Variants in AKAP10 observed in about 807,000 individuals in gnomAD.
AKAP10 encodes A-kinase anchoring protein 10.
AKAP10 carries 24 observed loss-of-function variants against 80.8 expected under a neutral mutation model. The observed-to-expected ratio is 0.30, with a 90% CI of 0.22 to 0.42. The LOEUF (loss-of-function observed/expected upper bound fraction) is 0.42, where lower values mean the gene tolerates loss of function less well. Among genes scored for constraint, AKAP10 ranks in the 10% least tolerant of loss-of-function variants. The pLI is 1.00. For synonymous variants in AKAP10, 291 were observed against 277.7 expected, an observed-to-expected ratio of 1.05 and a Z score of -0.48; for missense variants, 661 against 794.9, an observed-to-expected ratio of 0.83 and a Z score of 2.03.
chr17:19,917,190 G>A (rs2042754040), intron 12 of AKAP10, among the ~76,000 whole-genome samples: 1 of 151,810 alleles, frequency 6.6e-6, no homozygotes, highest in African/African-American at 2.4e-5. Context: ...GTGTGAACCT[G>A]GGAGGCAGAG....
intron 13 of AKAP10, 30 bp from the exon 14 acceptor site, chr17:19,909,306 T>C (rs192102242): frequency 1.2e-4 from 187 of 1,580,256 alleles, no homozygotes; most frequent in Non-Finnish European, 2.3e-5. Flanking sequence ...CTGGTGATAA[T>C]GGTTATTCAT....
At chr17:19,928,604 T>A (rs1028132285) in intron 10 of AKAP10, among the ~76,000 whole-genome samples, 3 of 151,976 alleles carry the variant, frequency 2.0e-5, no homozygotes, top group Non-Finnish European at 4.4e-5. Flanking sequence ...CAGCCGGGCA[T>A]AGTGGCTCAC....
At chr17:19,968,583 C>T (rs1469090994) in intron 1 of AKAP10, 122 bp from the exon 2 acceptor site, 6 of 786,710 alleles carry the variant, frequency 7.6e-6, no homozygotes, top group Non-Finnish European at 1.0e-5. Context: ...CAATGGACAG[C>T]CTTGGAGGAG....
intron 4 of AKAP10, among the ~76,000 whole-genome samples, chr17:19,950,155 A>C (rs1019486162): frequency 6.6e-6 from 1 of 152,208 alleles, no homozygotes; most frequent in Non-Finnish European, 1.5e-5. Flanking sequence ...ATACAAAAAA[A>C]TTAGCTGGGT....
intron 5 of AKAP10, among the ~76,000 whole-genome samples, chr17:19,946,205 T>TTATATA (rs1555576558): frequency 6.5e-5 from 3 of 46,076 alleles, no homozygotes; most frequent in African/African-American, 2.5e-4. Context: ...TACATATATT[T>TTATATA]TATATATATA....
At chr17:19,976,287 G>T (rs558463306) in intron 1 of AKAP10, among the ~76,000 whole-genome samples, 5 of 152,188 alleles carry the variant, frequency 3.3e-5, no homozygotes, top group African/African-American at 1.2e-4. Context: ...AGGGGTTCAA[G>T]ACCAGCCTAA....
chr17:19,956,865 G>A (rs1295767313), intron 4 of AKAP10, among the ~76,000 whole-genome samples: 1 of 152,054 alleles, frequency 6.6e-6, no homozygotes, highest in Non-Finnish European at 1.5e-5. Context: ...TTAGCCAGGA[G>A]TGGTGGCGGG....
Position 19,939,766 on chromosome 17 carries a change from C to G in AKAP10, c.1269G>C (p.Lys423Asn). 6.2e-7 allele frequency: 1 copy of G among 1,613,972 alleles called. No homozygotes were observed. Among genetic ancestry groups the G allele is most frequent in the South Asian group, 1.1e-5 (1 of 91,070 alleles). ...DNFQSQLAAK[K>N]GQYDGQEAQN... Reference sequence around the variant, plus strand: ...GTGCCTCCTGTCCATCATATTGGCCCTTTTTGGCAGCAAGCTGAGACTGGA... The same window carrying G: ...GTGCCTCCTGTCCATCATATTGGCCGTTTTTGGCAGCAAGCTGAGACTGGA... Residue 423 changes from lysine (K) to asparagine (N), a missense_variant, in exon 8 of 15, where the codon AAG (lysine) becomes AAC (asparagine). Transcript: ENST00000225737.
At position 19,958,199 on chromosome 17, in the gene AKAP10, C is replaced by T. The variant is rs1450051704; in HGVS notation, c.692G>A (p.Ser231Asn). Residue 231 changes from serine (S) to asparagine (N), a missense_variant, in exon 4 of 15, where the codon AGC (serine) becomes AAC (asparagine). Physicochemically the swap from Ser to Asn is conservative, Grantham distance 46. Transcript: ENST00000225737. ...EGIDLNNRTN[S>N]TQNHLLLSQE... is the part of the protein sequence containing the mutation. ...GGAAAGCAGCAAGTGATTCTGAGTG[C>T]TGTTAGTTCTATTATTCAGGTCAAT... 1.9e-6 allele frequency: 3 copies of T among 1,614,032 alleles called. No homozygotes were observed. Among genetic ancestry groups the T allele is most frequent in the East Asian group, 2.2e-5 (1 of 44,896 alleles).
At chr17:19,927,085 C>T (rs1478081850) in intron 10 of AKAP10, among the ~76,000 whole-genome samples, 2 of 152,150 alleles carry the variant, frequency 1.3e-5, no homozygotes, top group Non-Finnish European at 2.9e-5. Context: ...ACCTGTAATC[C>T]CAGCACTCTG....
At chr17:19,954,931 A>G (rs1287127558) in intron 4 of AKAP10, among the ~76,000 whole-genome samples, 2 of 152,096 alleles carry the variant, frequency 1.3e-5, no homozygotes, top group Non-Finnish European at 2.9e-5. Flanking sequence ...TAAAAAAAAA[A>G]AGTCCTGATT....
At chr17:19,952,055 C>T (rs913055440) in intron 4 of AKAP10, among the ~76,000 whole-genome samples, 1 of 150,936 alleles carries the variant, frequency 6.6e-6, no homozygotes, top group African/African-American at 2.4e-5. Flanking sequence ...TATATTTACA[C>T]ATTATAAATA....
At chr17:19,947,082 T>C (rs1474822280) in intron 5 of AKAP10, 2 of 266,936 alleles carry the variant, frequency 7.5e-6, no homozygotes, top group African/African-American at 4.6e-5. Flanking sequence ...CTTCGTGCAC[T>C]GGTGCGGGGC....
chr17:19,945,103 T>C (rs1290358692), intron 5 of AKAP10, among the ~76,000 whole-genome samples: 1 of 152,206 alleles, frequency 6.6e-6, no homozygotes, highest in Non-Finnish European at 1.5e-5. Context: ...AAATATATAA[T>C]GATAGACACT....
intron 14 of AKAP10, among the ~76,000 whole-genome samples, chr17:19,908,957 T>C (rs1354814769): frequency 6.6e-6 from 1 of 152,234 alleles, no homozygotes; most frequent in Non-Finnish European, 1.5e-5. Context: ...TCAGCAAGAC[T>C]ACTGGGCTCT....
At chr17:19,955,791 C>A (rs967917311) in intron 4 of AKAP10, among the ~76,000 whole-genome samples, 1 of 151,858 alleles carries the variant, frequency 6.6e-6, no homozygotes, top group Non-Finnish European at 1.5e-5. Flanking sequence ...GCTGAGAGTA[C>A]GTCATTGCAC....
intron 8 of AKAP10, among the ~76,000 whole-genome samples, chr17:19,937,685 A>G (rs974545518): frequency 2.0e-5 from 3 of 152,160 alleles, no homozygotes; most frequent in African/African-American, 7.2e-5. Flanking sequence ...CTATATAACA[A>G]TGTTTCTTAC....
At chr17:19,934,062 C>T (rs1597501547) in intron 9 of AKAP10, among the ~76,000 whole-genome samples, 1 of 152,158 alleles carries the variant, frequency 6.6e-6, no homozygotes, top group Middle Eastern at 3.4e-3. Context: ...GCTGGGATTA[C>T]AGGCATGCAC....
chr17:19,909,142 T>C (rs2042663339), intron 14 of AKAP10, 39 bp downstream of exon 14: 1 of 1,533,356 alleles, frequency 6.5e-7, no homozygotes, highest in Admixed American at 2.0e-5. Flanking sequence ...ACCTGGAAAA[T>C]AATACTTTTT....
Sources: allele counts gnomAD v4.1 joint callset (sites outside exome capture counted in the v4.1 genomes callset), GRCh38; gene constraint gnomAD v4.1.1; transcripts MANE v1.5; gene names NCBI Gene and HGNC (gene_info 2026-07-23, HGNC 2026-07-21).